The following RHCE variants were observed in gnomAD, a reference collection of about 807,000 sequenced individuals.
The protein encoded by RHCE is Rh blood group CcEe antigens.
In RHCE, 22 loss-of-function variants were observed where a neutral mutation model predicts 43.8. The ratio of observed to expected loss-of-function variants is 0.50; its 90% CI spans 0.36 to 0.72. The LOEUF is 0.72. Ranked by LOEUF, RHCE falls within the 30% of genes least tolerant of loss-of-function variation. The pLI, the probability that RHCE is intolerant of heterozygous loss-of-function variation, is 0.00. For synonymous variants in RHCE, 156 were observed against 210.7 expected, an observed-to-expected ratio of 0.74 and a Z score of 2.25; for missense variants, 385 against 525.4, an observed-to-expected ratio of 0.73 and a Z score of 2.61.
chr1:25,396,932 G>A lies in RHCE; in HGVS notation c.487-4791C>T, dbSNP rs1646560384. Among the ~76,000 whole-genome samples, 4 of 150,764 alleles carry A rather than the reference G, an allele frequency of 2.7e-5. No individual in the cohort carries two copies. The South Asian group carries it at 8.4e-4, about 32-fold the overall frequency. On this transcript the variant is annotated intron_variant, in intron 3 of 9. Transcript: ENST00000294413. Reference sequence around the variant, plus strand: ...AGCTCAAGACCAGCCTGGCCAATATGGTGAAACTCCATCTCTACTAAAAAT... The same window carrying A: ...AGCTCAAGACCAGCCTGGCCAATATAGTGAAACTCCATCTCTACTAAAAAT...
At position 25,405,669 on chromosome 1, in the gene RHCE, T is replaced by C. The variant is rs1212338504; in HGVS notation, c.336-2923A>G. On this transcript the variant is annotated intron_variant, in intron 2 of 9. Transcript: ENST00000294413. ...ACCCTGTCTCTAAAAAAATAATAAA[T>C]AAAAATTTAAAACATCCCACTTCAG... Among the ~76,000 whole-genome samples the C allele has an allele frequency of 2.5e-5, 3 of 121,800 alleles. 1 individual carries two copies. Among genetic ancestry groups the C allele is most frequent in the Non-Finnish European group, 3.8e-5 (2 of 53,122 alleles). 79.9% of individuals were successfully genotyped at this position (121,800 alleles called of 152,430 possible).
chr1:25,410,374 T>G (rs1647034495), intron 1 of RHCE, among the ~76,000 whole-genome samples: 1 of 152,176 alleles, frequency 6.6e-6, no homozygotes, highest in Non-Finnish European at 1.5e-5. Flanking sequence ...GTCTCTAACT[T>G]TGGGAGATGT....
chr1:25,418,583 G>A (rs1012728713), intron 1 of RHCE, among the ~76,000 whole-genome samples: 4 of 152,240 alleles, frequency 2.6e-5, no homozygotes, highest in African/African-American at 9.6e-5. Context: ...GATTACAGGT[G>A]TCAGCTACCT....
chr1:25,388,849 T>C, intron 6 of RHCE, 127 bp downstream of exon 6: 1 of 1,497,632 alleles, frequency 6.7e-7, no homozygotes, highest in Non-Finnish European at 9.2e-7. Context: ...CGCTAGGCGT[T>C]GAAGCCAATA....
intron 2 of RHCE, among the ~76,000 whole-genome samples, chr1:25,403,540 A>G (rs76470886): frequency 3.3e-4 from 48 of 146,458 alleles, no homozygotes; most frequent in Admixed American, 1.7e-3. Flanking sequence ...TTATGATCCA[A>G]AAAAAAAAAA....
intron 7 of RHCE, among the ~76,000 whole-genome samples, chr1:25,384,541 C>A (rs919254886): frequency 1.3e-5 from 2 of 152,132 alleles, no homozygotes; most frequent in Non-Finnish European, 2.9e-5. Flanking sequence ...AAGACAGTGG[C>A]AGACACATCA....
rs190271773 is a variant in RHCE, at chr1:25,394,260, A to T, written c.487-2119T>A. 4.9e-3 allele frequency among the ~76,000 whole-genome samples: 750 copies of T among 152,098 alleles called. 2 individuals are homozygous for T. The highest frequency in any genetic ancestry group is 8.8e-3 in the Non-Finnish European group (599 of 67,976). Reference sequence around the variant, plus strand: ...CGCCTTGGCCTCCCAAAGCGCTGGGATTACAGGCATGAGCCACCGCACCCA... The same window carrying T: ...CGCCTTGGCCTCCCAAAGCGCTGGGTTTACAGGCATGAGCCACCGCACCCA... On this transcript the variant is annotated intron_variant, in intron 3 of 9. Coordinates refer to ENST00000294413, the MANE Select transcript of RHCE (RefSeq NM_020485.8).
chr1:25,369,530 T>G (rs1377620917), intron 9 of RHCE, among the ~76,000 whole-genome samples: 1 of 151,326 alleles, frequency 6.6e-6, no homozygotes, highest in Non-Finnish European at 1.5e-5. Context: ...CCAACCTTCT[T>G]CACCTTCTTT....
Position 25,385,754 on chromosome 1 carries a change from T to C in RHCE, c.1030A>G (p.Ile344Val), listed in dbSNP as rs773315970. 2.5e-6 allele frequency: 4 copies of C among 1,613,702 alleles called. No homozygotes were observed. Among genetic ancestry groups the C allele is most frequent in the Middle Eastern group, 1.6e-4 (1 of 6,062 alleles). ...ACAGTATGAAGCACCAGCAGCACAA[T>C]GTAGGTGATCTCTCCAAGCAGACCC... ...LLGLLGEITY[I>V]VLLVLHTVWN... The change falls in exon 7 of 10, where the codon ATT (isoleucine) becomes GTT (valine). Residue 344 changes from isoleucine to valine, a missense_variant. Coordinates refer to ENST00000294413, the MANE Select transcript of RHCE (RefSeq NM_020485.8).
At chr1:25,391,574 T>C (rs1359997832) in intron 4 of RHCE, among the ~76,000 whole-genome samples, 2 of 152,102 alleles carry the variant, frequency 1.3e-5, no homozygotes, top group African/African-American at 4.8e-5. Flanking sequence ...TCAAGCTCAC[T>C]GCCCGATTTT....
intron 3 of RHCE, among the ~76,000 whole-genome samples, chr1:25,392,652 T>C (rs1461868276): frequency 7.6e-5 from 11 of 144,604 alleles, no homozygotes; most frequent in African/African-American, 2.8e-4. Flanking sequence ...CTCACTGTAG[T>C]CTCCAACTCC....
At chr1:25,418,624 A>C (rs1319438661) in intron 1 of RHCE, among the ~76,000 whole-genome samples, 1 of 152,202 alleles carries the variant, frequency 6.6e-6, no homozygotes, top group African/African-American at 2.4e-5. Context: ...TTTTTAGGCT[A>C]CAGGGCAATG....
chr1:25,419,154 C>T (rs2982360), intron 1 of RHCE, among the ~76,000 whole-genome samples: 65,024 of 151,898 alleles, frequency 0.43, 15,372 homozygotes, highest in Non-Finnish European at 0.54. Context: ...TAGTACCCAC[C>T]TCATTGGGTT....
chr1:25,369,797 GGC>G (rs1645550870), intron 9 of RHCE, among the ~76,000 whole-genome samples: 3 of 140,602 alleles, frequency 2.1e-5, no homozygotes, highest in Non-Finnish European at 4.5e-5. Context: ...GGAGTGCAGT[GGC>G]GCAATCTCAG....
At chr1:25,410,838 A>G (rs1647050498) in intron 1 of RHCE, among the ~76,000 whole-genome samples, 1 of 152,054 alleles carries the variant, frequency 6.6e-6, no homozygotes, top group Admixed American at 6.6e-5. Flanking sequence ...GGACATATAA[A>G]AATACCAATT....
chr1:25,421,076 C>T (rs1010759389), upstream of RHCE: 7 of 430,142 alleles, frequency 1.6e-5, no homozygotes, highest in Admixed American at 2.4e-4. Context: ...CATTCTATTC[C>T]TTTGACACCC....
chr1:25,387,484 G>C (rs962768323), intron 6 of RHCE, among the ~76,000 whole-genome samples: 8 of 152,204 alleles, frequency 5.3e-5, no homozygotes, highest in African/African-American at 1.9e-4. Flanking sequence ...AATGAATGAG[G>C]GAATCATTTT....
chr1:25,371,757 A>T (rs1645618232), intron 8 of RHCE, among the ~76,000 whole-genome samples: 1 of 151,528 alleles, frequency 6.6e-6, no homozygotes, highest in Non-Finnish European at 1.5e-5. Flanking sequence ...TTCACAGGAC[A>T]CATGGAATGA....
intron 6 of RHCE, among the ~76,000 whole-genome samples, chr1:25,387,264 T>C (rs569522403): frequency 2.0e-5 from 3 of 152,336 alleles, no homozygotes; most frequent in South Asian, 2.1e-4. Context: ...TGGCTAATAC[T>C]ACTTCTCTGT....
Sources: allele counts gnomAD v4.1 joint callset (sites outside exome capture counted in the v4.1 genomes callset), GRCh38; gene constraint gnomAD v4.1.1; transcripts MANE v1.5; gene names NCBI Gene and HGNC (gene_info 2026-07-23, HGNC 2026-07-21).